GGH: variants seen among roughly 807,000 people sequenced by gnomAD.
GGH encodes the protein gamma-glutamyl hydrolase.
Under a neutral mutation model 39.2 loss-of-function variants are expected in GGH, and 18 were observed. The ratio of observed to expected loss-of-function variants is 0.46; its 90% CI spans 0.32 to 0.68. GGH has a LOEUF of 0.68. Among genes scored for constraint, GGH ranks in the 30% least tolerant of loss-of-function variants. GGH has a pLI of 0.04. For missense variants in GGH, 367 were observed against 384.1 expected (o/e 0.96, Z 0.37); for synonymous variants, 147 against 138.8 (o/e 1.06, Z -0.42).
At chr8:63,038,602 G>A in intron 1 of GGH, 58 bp downstream of exon 1, 5 of 899,270 alleles carry the variant, frequency 5.6e-6, no homozygotes, top group South Asian at 2.5e-5. Flanking sequence ...GGCGGGAGGC[G>A]CCCAGCGCCA....
rs780496107 is a variant in GGH, at chr8:63,027,186, T to C, written c.355A>G (p.Ile119Val). ...KVAKIFYNLS[I>V]QSFDDGDYFP... ...AAGCAATAACTGATATTTACCTGTA[T>C]GGACAAGTTATAAAATATTTTGGCC... Residue 119 changes from isoleucine to valine, a missense_variant, in exon 4 of 9, where the codon ATA becomes GTA. Transcript: ENST00000260118. 2 of 1,412,572 alleles carry C rather than the reference T, an allele frequency of 1.4e-6. No individual in the cohort carries two copies. Among genetic ancestry groups the C allele is most frequent in the Non-Finnish European group, 2.0e-6 (2 of 996,194 alleles). The allele number at this position is 1,412,572 out of a possible 1,614,324, so 87.5% of individuals were successfully genotyped here.
chr8:63,027,324 A>T (rs1804705960), intron 3 of GGH, 59 bp from the exon 4 acceptor site: 2 of 758,564 alleles, frequency 2.6e-6, no homozygotes, highest in Non-Finnish European at 4.6e-6. Flanking sequence ...ACCCATACAC[A>T]CACAGAAAAC....
chr8:63,033,251 A>C (rs1426823790), intron 2 of GGH, among the ~76,000 whole-genome samples: 1 of 152,290 alleles, frequency 6.6e-6, no homozygotes, highest in Admixed American at 6.5e-5. Context: ...ATTGCCCAAG[A>C]CCTAGTTTAC....
intron 7 of GGH, among the ~76,000 whole-genome samples, chr8:63,022,378 C>T (rs914948240): frequency 6.6e-6 from 1 of 152,032 alleles, no homozygotes; most frequent in African/African-American, 2.4e-5. Context: ...AATCACTTTA[C>T]CCTCCAGATT....
Position 63,029,711 on chromosome 8 carries a change from G to A in GGH, c.275+456C>T, listed in dbSNP as rs562272545. ...CAAATTTTCTGATCTCTGCCAACAT[G>A]GTAATTAAATGTTTTTGATTGCTGT... is the stretch of plus-strand genomic sequence containing the variant. On this transcript the variant is annotated intron_variant, in intron 3 of 8. Coordinates refer to ENST00000260118, the MANE Select transcript of GGH (RefSeq NM_003878.3). 4.6e-5 allele frequency among the ~76,000 whole-genome samples: 7 copies of A among 151,968 alleles called. No individual in the cohort carries two copies. The South Asian group carries it at 8.3e-4, about 18-fold the overall frequency.
Position 63,027,235 on chromosome 8 carries a change from G to C in GGH, c.306C>G (p.Leu102=), listed in dbSNP as rs770885990. 1 of 1,597,914 alleles carries C rather than the reference G, an allele frequency of 6.3e-7. No homozygotes were observed. Among genetic ancestry groups the C allele is most frequent in the East Asian group, 2.2e-5 (1 of 44,792 alleles). The part of the protein sequence containing the change: ...GILFPGGSVD[L]RRSDYAKVAK... ...CCACTTTAGCATAATCTGAGCGTCT[G>C]AGGTCAACACTTCCTCCAGGGAAAA... Residue 102 remains leucine (L), a synonymous_variant, in exon 4 of 9, where the codon CTC becomes CTG. Coordinates refer to ENST00000260118, the MANE Select transcript of GGH (RefSeq NM_003878.3).
intron 7 of GGH, among the ~76,000 whole-genome samples, chr8:63,022,587 CT>C (rs1804610403): frequency 6.6e-6 from 1 of 151,500 alleles, no homozygotes; most frequent in South Asian, 2.1e-4. Flanking sequence ...GTAAGTCTTA[CT>C]CTGTCGTCCA....
chr8:63,023,149 T>G (rs920641127), intron 7 of GGH, among the ~76,000 whole-genome samples: 1 of 152,210 alleles, frequency 6.6e-6, no homozygotes, highest in Non-Finnish European at 1.5e-5. Flanking sequence ...GCCTCACACA[T>G]GAGAGCATTA....
At chr8:63,036,796 C>G (rs80238691) in intron 1 of GGH, among the ~76,000 whole-genome samples, 1 of 152,066 alleles carries the variant, frequency 6.6e-6, no homozygotes, top group Non-Finnish European at 1.5e-5. Flanking sequence ...ATTATTAGAG[C>G]CAGGTGAGTG....
intron 3 of GGH, among the ~76,000 whole-genome samples, chr8:63,027,880 T>C (rs985821928): frequency 2.0e-5 from 3 of 152,118 alleles, no homozygotes; most frequent in Admixed American, 6.6e-5. Flanking sequence ...TTGATATTAT[T>C]TTACACACTT....
At chr8:63,018,445 A>G (rs1001442924) in intron 7 of GGH, among the ~76,000 whole-genome samples, 4 of 152,178 alleles carry the variant, frequency 2.6e-5, no homozygotes, top group African/African-American at 9.7e-5. Context: ...GTACTTGGAG[A>G]AATGAAGTGA....
chr8:63,024,142 A>G lies in GGH; in HGVS notation c.544T>C (p.Leu182=). ...RMFQNFPTEL[L]LSLAVEPLTA... ...AGAGGTTCTACTGCTAATGACAGCA[A>G]CAACTCAGTAGGAAAATTCTGGAAC... Residue 182 remains leucine, a synonymous_variant, in exon 6 of 9, where the codon TTG becomes CTG. Transcript: ENST00000260118. The G allele has an allele frequency of 6.2e-7, 1 of 1,611,660 alleles. No individual in the cohort carries two copies. The highest frequency in any genetic ancestry group is 8.5e-7 in the Non-Finnish European group (1 of 1,177,922).
In GGH at chr8:63,015,149, T is replaced by C; in HGVS notation, c.*183A>G. On this transcript the variant is annotated 3_prime_UTR_variant, in exon 9 of 9. Coordinates refer to ENST00000260118, the MANE Select transcript of GGH (RefSeq NM_003878.3). Reference sequence around the variant, plus strand: ...AGGCTTTTCCATGAAAAACACTCTATTTATGTCTCACTATTTAATTATCTA... The same window carrying C: ...AGGCTTTTCCATGAAAAACACTCTACTTATGTCTCACTATTTAATTATCTA... 5.2e-6 allele frequency: 2 copies of C among 383,130 alleles called. No homozygotes were observed. Among genetic ancestry groups the C allele is most frequent in the Non-Finnish European group, 4.6e-6 (1 of 216,686 alleles). The allele number at this position is 383,130 out of a possible 1,614,324, so 23.7% of individuals were successfully genotyped here.
intron 3 of GGH, chr8:63,028,613 T>C (rs1056531706): frequency 6.6e-6 from 1 of 152,138 alleles, no homozygotes; most frequent in Non-Finnish European, 1.5e-5. Context: ...GAGATATAAA[T>C]AAGGCCCCTA....
At chr8:63,030,140 C>T (rs765544693) in intron 3 of GGH, 27 bp downstream of exon 3, 10 of 1,043,774 alleles carry the variant, frequency 9.6e-6, no homozygotes, top group Admixed American at 3.5e-5. Context: ...ACTCATATAC[C>T]GTATGAAACC....
intron 2 of GGH, among the ~76,000 whole-genome samples, chr8:63,030,750 G>A (rs566848128): frequency 6.6e-6 from 1 of 152,126 alleles, no homozygotes; most frequent in Non-Finnish European, 1.5e-5. Context: ...CATCTAGTCT[G>A]AACTGAGGAC....
At chr8:63,033,893 T>C (rs1490754302) in intron 2 of GGH, among the ~76,000 whole-genome samples, 2 of 151,544 alleles carry the variant, frequency 1.3e-5, no homozygotes, top group African/African-American at 4.8e-5. Flanking sequence ...TGTTTCTGCA[T>C]TAATTCACTT....
At position 63,024,017 on chromosome 8, in the gene GGH, CA is replaced by C; in HGVS notation, c.607-21del. Reference sequence around the variant, plus strand: ...AAAATTCTAGAATACGAAAATAAAACAAAATGATTACTTCTGCAGTTATTCT... The same window carrying C: ...AAAATTCTAGAATACGAAAATAAAACAAATGATTACTTCTGCAGTTATTCT... On this transcript the variant is annotated intron_variant, in intron 6 of 8. Coordinates refer to ENST00000260118, the MANE Select transcript of GGH (RefSeq NM_003878.3). 1.9e-6 allele frequency: 3 copies of C among 1,555,996 alleles called. No individual in the cohort carries two copies. The highest frequency in any genetic ancestry group is 2.3e-5 in the South Asian group (2 of 86,470).
intron 8 of GGH, 85 bp from the exon 9 acceptor site, chr8:63,015,538 G>A: frequency 1.3e-6 from 1 of 757,920 alleles, no homozygotes. Context: ...CCTGCAATCA[G>A]CATTATTAAG....
Sources: gnomAD v4.1 joint callset for allele counts (sites outside exome capture counted in the v4.1 genomes callset) on GRCh38, gnomAD v4.1.1 for gene constraint, MANE v1.5 for transcripts, NCBI Gene and HGNC (gene_info 2026-07-23, HGNC 2026-07-21) for gene names.